The following MROH2A variants were observed in gnomAD, a reference collection of about 807,000 sequenced individuals.
MROH2A encodes maestro heat like repeat family member 2A, also known as maestro heat-like repeat-containing protein family member 2A.
MROH2A carries 174 observed loss-of-function variants against 200.4 expected under a neutral mutation model. The ratio of observed to expected loss-of-function variants is 0.87; its 90% CI spans 0.77 to 0.98. The LOEUF (loss-of-function observed/expected upper bound fraction) is 0.98, where lower values mean the gene tolerates loss of function less well. MROH2A is among the 50% of genes least tolerant of loss of function. The pLI is 0.00. For missense variants in MROH2A, 2,045 were observed against 2,139.6 expected (o/e 0.96, Z 0.87); for synonymous variants, 829 against 840.4 (o/e 0.99, Z 0.23).
chr2:233,800,186 C>T lies in MROH2A; in HGVS notation c.1450-19C>T. 1 of 1,519,566 alleles carries T rather than the reference C, an allele frequency of 6.6e-7. No individual in the cohort carries two copies. Among genetic ancestry groups the T allele is most frequent in the Non-Finnish European group, 8.9e-7 (1 of 1,123,550 alleles). 94.1% of individuals were successfully genotyped at this position (1,519,566 alleles called of 1,614,324 possible). On this transcript the variant is annotated intron_variant, in intron 13 of 41. Transcript: ENST00000389758. ...CTCTGCTAGGCCACAGGTGGGAATC[C>T]CTTGGTTCTTTCTTCCAGACAAATC...
rs766191769 is a variant in MROH2A at position 233,814,586 on chromosome 2, T to C, written c.2765T>C (p.Leu922Pro). 362 of 1,550,028 alleles carry C rather than the reference T, an allele frequency of 2.3e-4. No homozygotes were observed. Among genetic ancestry groups the C allele is most frequent in the Non-Finnish European group, 3.0e-4 (349 of 1,146,714 alleles). Reference sequence around the variant, plus strand: ...CTCTCTCCCTCTTGGCTGTAGACCCTGTATGCAAATGCCCTGAGCTCCCTG... The same window carrying C: ...CTCTCTCCCTCTTGGCTGTAGACCCCGTATGCAAATGCCCTGAGCTCCCTG... The part of the protein sequence containing the change: ...PGEDNESIKT[L>P]YANALSSLEQ... The change falls in exon 26 of 42, where the codon CTG becomes CCG. Residue 922 changes from leucine to proline, a missense_variant. Physicochemically the swap from Leu to Pro is moderately conservative, Grantham distance 98. This residue lies in a region of MROH2A where 1,201 missense variants were observed against 1,311.3 expected (regional missense o/e 0.92). Transcript: ENST00000389758.
At chr2:233,783,706 C>T (rs191378357) in intron 3 of MROH2A, among the ~76,000 whole-genome samples, 101 of 152,120 alleles carry the variant, frequency 6.6e-4, no homozygotes, top group African/African-American at 2.1e-3. Context: ...CCACCATGCC[C>T]GGCTAATTTT....
intron 41 of MROH2A, 115 bp from the exon 42 acceptor site, chr2:233,833,023 C>T: frequency 7.8e-7 from 1 of 1,286,924 alleles, no homozygotes; most frequent in Non-Finnish European, 1.0e-6. Flanking sequence ...AGGAGTTTCC[C>T]CGTCTGCCCC....
In MROH2A at chr2:233,822,439, TCTACACCCTCCTG is replaced by T. The variant is rs1473990735; in HGVS notation, c.3752_3764del (p.Tyr1251CysfsTer16). ...CTCCCGGACTTCCTCCCTGACCTCA[TCTACACCCTCCTG>T]CTGCAGCTTGGAAGCAGCCACCGAC... is the stretch of plus-strand genomic sequence containing the variant. On this transcript the variant is annotated frameshift_variant, in exon 33 of 42. Transcript: ENST00000389758. LOFTEE classifies it high-confidence loss of function. 1 of 1,551,058 alleles carries T rather than the reference TCTACACCCTCCTG, an allele frequency of 6.4e-7. No individual in the cohort carries two copies. Among genetic ancestry groups the T allele is most frequent in the African/African-American group, 1.4e-5 (1 of 73,146 alleles).
intron 25 of MROH2A, among the ~76,000 whole-genome samples, chr2:233,814,341 G>GGC (rs1368253575): frequency 6.6e-6 from 1 of 152,166 alleles, no homozygotes; most frequent in East Asian, 1.9e-4. Flanking sequence ...CTGCCTCCAG[G>GGC]GCTTGGCCCT....
At chr2:233,798,360 G>A (rs1432502204) in intron 11 of MROH2A, among the ~76,000 whole-genome samples, 1 of 152,162 alleles carries the variant, frequency 6.6e-6, no homozygotes, top group Non-Finnish European at 1.5e-5. Flanking sequence ...TCCCACAGCT[G>A]GGATGTGGTG....
At position 233,815,669 on chromosome 2, in the gene MROH2A, T is replaced by C. The variant is rs553119856; in HGVS notation, c.2856+992T>C. On this transcript the variant is annotated intron_variant, in intron 26 of 41. Transcript: ENST00000389758. ...AGACTGCCCTTTTTCTGTTCAATTA[T>C]CTTTGCACCTTTGTTGAAAATCAAA... 8.9e-4 allele frequency among the ~76,000 whole-genome samples: 135 copies of C among 152,338 alleles called. No individual in the cohort carries two copies. The Middle Eastern group carries it at 0.034, about 38-fold the overall frequency.
In MROH2A at chr2:233,794,484, T is replaced by C. The variant is rs903333582; in HGVS notation, c.944T>C (p.Leu315Pro). The C allele has an allele frequency of 5.2e-5, 80 of 1,545,760 alleles. No individual in the cohort carries two copies. The highest frequency in any genetic ancestry group is 6.8e-5 in the Non-Finnish European group (78 of 1,142,712). The change falls in exon 8 of 42, where the codon CTG (leucine) becomes CCG (proline). Residue 315 changes from leucine (L) to proline (P), a missense_variant. Transcript: ENST00000389758. Reference protein sequence around the residue: ...PLLLAEYQGSLEVLFVTQVLR... With the variant: ...PLLLAEYQGSPEVLFVTQVLR... ...CTGCTGGCGGAGTACCAGGGCAGTCTGGAGGTGCTCTTCGTCACGCAGGCG... is the reference window on the plus strand; with the variant it reads ...CTGCTGGCGGAGTACCAGGGCAGTCCGGAGGTGCTCTTCGTCACGCAGGCG...
At chr2:233,796,978 G>C (rs1702154975) in intron 11 of MROH2A, among the ~76,000 whole-genome samples, 1 of 152,350 alleles carries the variant, frequency 6.6e-6, no homozygotes, top group Non-Finnish European at 1.5e-5. Context: ...TCAATGAATA[G>C]AGATGATAAT....
intron 3 of MROH2A, among the ~76,000 whole-genome samples, chr2:233,782,455 G>T (rs886323251): frequency 6.6e-6 from 1 of 152,024 alleles, no homozygotes; most frequent in African/African-American, 2.4e-5. Flanking sequence ...TATTTTTGTG[G>T]CTATTGTAAA....
At chr2:233,817,930 C>T in intron 27 of MROH2A, 72 bp from the exon 28 acceptor site, 1 of 1,533,126 alleles carries the variant, frequency 6.5e-7, no homozygotes, top group Non-Finnish European at 8.8e-7. Context: ...TTGTCCTTTA[C>T]ACTGCCCCTG....
intron 18 of MROH2A, 79 bp downstream of exon 18, chr2:233,804,626 GCA>G: frequency 7.5e-7 from 1 of 1,326,272 alleles, no homozygotes; most frequent in Non-Finnish European, 1.1e-6. Context: ...GGTGGGCTGG[GCA>G]CATGAGGAGT....
Position 233,796,150 on chromosome 2 carries a change from C to T in MROH2A, c.1139-50C>T, listed in dbSNP as rs867913115. On this transcript the variant is annotated intron_variant, in intron 10 of 41. Transcript: ENST00000389758. Reference sequence around the variant, plus strand: ...CTGGGCCTGGGACTGCCTTGCTGGGCCTGCTCTGGACCCGGTGAGCATGAC... The same window carrying T: ...CTGGGCCTGGGACTGCCTTGCTGGGTCTGCTCTGGACCCGGTGAGCATGAC... 98 of 1,520,424 alleles carry T rather than the reference C, an allele frequency of 6.4e-5. No individual in the cohort carries two copies. In the Middle Eastern group the frequency reaches 2.4e-3, roughly 37 times the overall value. The allele number at this position is 1,520,424 out of a possible 1,614,324, so 94.2% of individuals were successfully genotyped here.
At chr2:233,815,781 G>A (rs1425447053) in intron 26 of MROH2A, among the ~76,000 whole-genome samples, 10 of 121,422 alleles carry the variant, frequency 8.2e-5, no homozygotes, top group African/African-American at 1.8e-4. Flanking sequence ...GCACTGTCTC[G>A]ATTACTGTTA....
intron 27 of MROH2A, among the ~76,000 whole-genome samples, chr2:233,817,235 G>A (rs1465463509): frequency 1.3e-5 from 2 of 152,212 alleles, no homozygotes; most frequent in African/African-American, 2.4e-5. Flanking sequence ...AGCTTGACAA[G>A]TACCGCAACC....
chr2:233,827,979 G>A (rs116536934), intron 35 of MROH2A, among the ~76,000 whole-genome samples: 36 of 152,280 alleles, frequency 2.4e-4, no homozygotes, highest in African/African-American at 7.7e-4. Context: ...GGAAGCTCCT[G>A]TGATTGCTGA....
chr2:233,813,560 T>C lies in MROH2A; in HGVS notation c.2652-110T>C, dbSNP rs895542336. On this transcript the variant is annotated intron_variant, in intron 24 of 41. Transcript: ENST00000389758. ...TTGCCAGAGCCTCCAACTGGAGAAG[T>C]AGGCCTCTTCCTCTTCTAGGATGTG... 1.2e-5 allele frequency: 8 copies of C among 649,850 alleles called. No homozygotes were observed. The Admixed American group carries it at 2.1e-4, about 17-fold the overall frequency. The allele number at this position is 649,850 out of a possible 1,614,324, so 40.3% of individuals were successfully genotyped here.
At chr2:233,775,831 C>G (rs968680580), upstream of MROH2A, 1 of 152,230 alleles carries the variant, frequency 6.6e-6, no homozygotes, top group African/African-American at 2.4e-5. Flanking sequence ...CCCCATGTGT[C>G]ATTAGAGGGA....
At chr2:233,779,572 A>T in intron 2 of MROH2A, 99 bp from the exon 3 acceptor site, 2 of 1,419,952 alleles carry the variant, frequency 1.4e-6, no homozygotes, top group Non-Finnish European at 1.9e-6. Flanking sequence ...ACCACACATG[A>T]AGCTGGAGCT....
Sources: gnomAD v4.1 joint callset for allele counts (sites outside exome capture counted in the v4.1 genomes callset) on GRCh38, gnomAD v4.1.1 for gene constraint, gnomAD v4.1.1 regional missense constraint, MANE v1.5 for transcripts, NCBI Gene and HGNC (gene_info 2026-07-23, HGNC 2026-07-21) for gene names.